QTRT2: variants seen among roughly 807,000 people sequenced by gnomAD.
The protein encoded by QTRT2 is queuine tRNA-ribosyltransferase accessory subunit 2, also known as queuine tRNA-ribosyltransferase domain containing 1.
A neutral mutation model predicts 44.8 loss-of-function variants in QTRT2; 32 were observed. The ratio of observed to expected loss-of-function variants is 0.71; its 90% CI spans 0.54 to 0.96. The LOEUF (loss-of-function observed/expected upper bound fraction) is 0.96, where lower values mean the gene tolerates loss of function less well. Among genes scored for constraint, QTRT2 ranks in the 40% least tolerant of loss-of-function variants. The pLI is 0.00. For missense variants in QTRT2, 461 were observed against 503.1 expected (o/e 0.92, Z 0.80); for synonymous variants, 182 against 187.4 (o/e 0.97, Z 0.24).
intron 9 of QTRT2, among the ~76,000 whole-genome samples, chr3:114,084,083 G>GGA (rs1559964132): frequency 6.7e-6 from 1 of 150,074 alleles, no homozygotes; most frequent in African/African-American, 2.5e-5. Flanking sequence ...TTTTGTGGGG[G>GGA]GCAGAGTGTA....
At chr3:114,067,880 T>C in intron 4 of QTRT2, 107 bp from the exon 5 acceptor site, 1 of 858,772 alleles carries the variant, frequency 1.2e-6, no homozygotes. Flanking sequence ...TGACAGTGTT[T>C]AGAGTTGCTT....
Position 114,085,988 on chromosome 3 carries a change from G to C in QTRT2, c.*84G>C. The C allele has an allele frequency of 9.4e-7, 1 of 1,068,856 alleles. No homozygotes were observed. Among genetic ancestry groups the C allele is most frequent in the Non-Finnish European group, 1.4e-6 (1 of 698,204 alleles). The allele number at this position is 1,068,856 out of a possible 1,614,324, so 66.2% of individuals were successfully genotyped here. A position where few individuals can be genotyped will look rare whatever the true frequency, so the allele number is the denominator to read the frequency against. ...GGAAGACGTGAAGAAGAAATAATCT[G>C]AGCTTTAATTATTTATATTTGGATA... On this transcript the variant is annotated 3_prime_UTR_variant, in exon 10 of 10. Coordinates refer to ENST00000281273, the MANE Select transcript of QTRT2 (RefSeq NM_024638.4).
intron 2 of QTRT2, among the ~76,000 whole-genome samples, chr3:114,060,475 G>T (rs898710193): frequency 2.4e-5 from 3 of 123,382 alleles, no homozygotes; most frequent in Non-Finnish European, 5.1e-5. Context: ...CAGATAGATA[G>T]GTAGGTAGGT....
rs2077253711 is a variant in QTRT2, at chr3:114,087,576, C to T, written c.*1672C>T. 6.6e-6 allele frequency: 1 copy of T among 152,186 alleles called. No individual in the cohort carries two copies. The highest frequency in any genetic ancestry group is 1.5e-5 in the Non-Finnish European group (1 of 68,112). The allele number at this position is 152,186 out of a possible 1,614,324, so 9.4% of individuals were successfully genotyped here. A position where few individuals can be genotyped will look rare whatever the true frequency, so the allele number is the denominator to read the frequency against. On this transcript the variant is annotated 3_prime_UTR_variant, in exon 10 of 10. Transcript: ENST00000281273. ...TATATTTTTAGTAGAGATGGGGTTT[C>T]ACCGTATGAGCCAGGATGGTCTCGA... is the stretch of plus-strand genomic sequence containing the variant.
chr3:114,062,490 A>G (rs2076901658), intron 2 of QTRT2, among the ~76,000 whole-genome samples: 1 of 152,128 alleles, frequency 6.6e-6, no homozygotes, highest in South Asian at 2.1e-4. Flanking sequence ...AAAATGGCAG[A>G]AGGGGTGATG....
Position 114,080,532 on chromosome 3 carries a change from T to C in QTRT2, c.898+475T>C, listed in dbSNP as rs372543277. Among the ~76,000 whole-genome samples, 45 of 152,334 alleles carry C rather than the reference T, an allele frequency of 3.0e-4. No individual in the cohort carries two copies. In the East Asian group the frequency reaches 5.0e-3, roughly 17 times the overall value. The stretch of plus-strand genomic sequence containing the variant: ...CCAGGCTTTGAAAGCTATTTTCCTT[T>C]GCTAATGTTGCTTTGAAGGACTGCC... On this transcript the variant is annotated intron_variant, in intron 8 of 9. Coordinates refer to ENST00000281273, the MANE Select transcript of QTRT2 (RefSeq NM_024638.4).
At position 114,058,531 on chromosome 3, in the gene QTRT2, G is replaced by A. The variant is rs565100114; in HGVS notation, c.-22+1425G>A. Among the ~76,000 whole-genome samples, 6 of 152,176 alleles carry A rather than the reference G, an allele frequency of 3.9e-5. No homozygotes were observed. The South Asian group carries it at 8.3e-4, about 21-fold the overall frequency. On this transcript the variant is annotated intron_variant, in intron 2 of 9. Transcript: ENST00000281273. ...ATTTACTGTTTTCTAGAATTGTAGC[G>A]TTCTTCATTTCTTTTTTTTGAGACG...
intron 2 of QTRT2, among the ~76,000 whole-genome samples, chr3:114,059,474 T>C (rs2076854177): frequency 6.6e-6 from 1 of 152,268 alleles, no homozygotes; most frequent in African/African-American, 2.4e-5. Flanking sequence ...GTGTGTACTA[T>C]TTTATTACTT....
chr3:114,064,509 AT>A (rs532960034), intron 2 of QTRT2, among the ~76,000 whole-genome samples: 13 of 151,800 alleles, frequency 8.6e-5, no homozygotes, highest in Admixed American at 3.9e-4. Context: ...ATGTTTTCTG[AT>A]TTTTTTTCCC....
rs184928476 is a variant in QTRT2 at position 114,060,147 on chromosome 3, A to T, written c.-22+3041A>T. On this transcript the variant is annotated intron_variant, in intron 2 of 9. Transcript: ENST00000281273. ...AGATGAGAGGGAAGGGGAGATGAGAAAGAAGAGAGAAGATGCCTTCAGGAC... is the reference window on the plus strand; with the variant it reads ...AGATGAGAGGGAAGGGGAGATGAGATAGAAGAGAGAAGATGCCTTCAGGAC... Among the ~76,000 whole-genome samples, 528 of 152,110 alleles carry T rather than the reference A, an allele frequency of 3.5e-3. 3 individuals are homozygous for T. The highest frequency in any genetic ancestry group is 0.012 in the African/African-American group (508 of 41,502).
At position 114,066,207 on chromosome 3, in the gene QTRT2, A is replaced by AT; in HGVS notation, c.201-16dup. On this transcript the variant is annotated intron_variant, in intron 3 of 9. Transcript: ENST00000281273. ...AGAATGACACATTATTATGTTATGT[A>AT]TTTTTCTGTTTTGCTTACAGAGCAG... is the stretch of plus-strand genomic sequence containing the variant. 4 of 1,565,224 alleles carry AT rather than the reference A, an allele frequency of 2.6e-6. No homozygotes were observed. In the South Asian group the frequency reaches 4.4e-5, roughly 17 times the overall value.
intron 6 of QTRT2, among the ~76,000 whole-genome samples, chr3:114,072,662 T>C (rs948415935): frequency 6.6e-6 from 1 of 152,234 alleles, no homozygotes; most frequent in East Asian, 1.9e-4. Flanking sequence ...CCTCTTATTC[T>C]GAATGCCCTT....
rs1477193228 is a variant in QTRT2, at chr3:114,065,244, A to G, written c.-14A>G. The G allele has an allele frequency of 6.2e-7, 1 of 1,612,940 alleles. No individual in the cohort carries two copies. Among genetic ancestry groups the G allele is most frequent in the South Asian group, 1.1e-5 (1 of 91,074 alleles). The stretch of plus-strand genomic sequence containing the variant: ...ATGCTCTTTTCTTGACAGGACCTAG[A>G]AGAATCCCTTAGGATGAAGCTGAGT... On this transcript the variant is annotated 5_prime_UTR_variant, in exon 3 of 10. Coordinates refer to ENST00000281273, the MANE Select transcript of QTRT2 (RefSeq NM_024638.4).
At chr3:114,072,157 C>G (rs1416960978) in intron 6 of QTRT2, among the ~76,000 whole-genome samples, 1 of 146,428 alleles carries the variant, frequency 6.8e-6, no homozygotes, top group Non-Finnish European at 1.5e-5. Context: ...TTTTTTTTTT[C>G]TTTTCTTTTG....
At chr3:114,078,121 C>T (rs1467566834) in intron 7 of QTRT2, 2 of 152,246 alleles carry the variant, frequency 1.3e-5, no homozygotes, top group Non-Finnish European at 2.9e-5. Context: ...GTATTTCCAT[C>T]ACCTTAGCCA....
chr3:114,065,343 A>G lies in QTRT2; in HGVS notation c.86A>G (p.Asp29Gly), dbSNP rs1369758703. Residue 29 changes from aspartate (D) to glycine (G), a missense_variant, in exon 3 of 10, where the codon GAT (aspartate) becomes GGT (glycine). Transcript: ENST00000281273. ...NLGKTGDHTM[D>G]IPGCLLYTKT... The stretch of plus-strand genomic sequence containing the variant: ...GGCAAAACAGGGGACCACACCATGG[A>G]TATTCCAGGCTGCCTTCTGTATACC... 2.5e-6 allele frequency: 4 copies of G among 1,614,120 alleles called. No homozygotes were observed. Among genetic ancestry groups the G allele is most frequent in the Non-Finnish European group, 3.4e-6 (4 of 1,180,016 alleles).
In QTRT2 at chr3:114,076,942, G is replaced by A. The variant is rs760980392; in HGVS notation, c.746G>A (p.Arg249Lys). 1.2e-6 allele frequency: 2 copies of A among 1,613,844 alleles called. No individual in the cohort carries two copies. The highest frequency in any genetic ancestry group is 1.3e-5 in the African/African-American group (1 of 74,918). Reference protein sequence around the residue: ...VTAELPEDKPRLISGVSRPDE... With the variant: ...VTAELPEDKPKLISGVSRPDE... ...GCAGAGCTGCCGGAGGACAAGCCAA[G>A]GCCAGTGTTCGGTTAGGACACAGGC... The change falls in exon 7 of 10, where the codon AGG (arginine) becomes AAG (lysine). Residue 249 changes from arginine to lysine, a missense_variant and splice_region_variant. By Grantham distance (26) the Arg-to-Lys change is conservative. Coordinates refer to ENST00000281273, the MANE Select transcript of QTRT2 (RefSeq NM_024638.4).
chr3:114,069,241 C>CT (rs1439261439), intron 5 of QTRT2, among the ~76,000 whole-genome samples: 1 of 151,632 alleles, frequency 6.6e-6, no homozygotes, highest in Non-Finnish European at 1.5e-5. Context: ...TTTTTTTTCC[C>CT]TTTTTTTAAC....
chr3:114,060,587 AATAG>A (rs1162150865), intron 2 of QTRT2, among the ~76,000 whole-genome samples: 6 of 152,162 alleles, frequency 3.9e-5, no homozygotes, highest in Admixed American at 3.3e-4. Context: ...CCAAACCCTA[AATAG>A]ATAGACAGAC....
Sources: allele counts gnomAD v4.1 joint callset (sites outside exome capture counted in the v4.1 genomes callset), GRCh38; gene constraint gnomAD v4.1.1; transcripts MANE v1.5; gene names NCBI Gene and HGNC (gene_info 2026-07-23, HGNC 2026-07-21).